Variants in LSAMP observed in about 807,000 individuals in gnomAD.
LSAMP encodes limbic system associated membrane protein.
In LSAMP, 7 loss-of-function variants were observed where a neutral mutation model predicts 38.6. The observed-to-expected ratio is 0.18, with a 90% CI of 0.10 to 0.34. LSAMP has a LOEUF of 0.34. Among genes scored for constraint, LSAMP ranks in the 10% least tolerant of loss-of-function variants. The probability of loss-of-function intolerance (pLI) is 1.00; values close to 1 mark genes in which losing one functional copy is unlikely to be tolerated. For missense variants in LSAMP, 313 were observed against 420.0 expected, an observed-to-expected ratio of 0.75 and a Z score of 2.23; for synonymous variants, 154 against 166.8, an observed-to-expected ratio of 0.92 and a Z score of 0.59.
chr3:115,943,734 A>G (rs11714992), intron 3 of LSAMP, among the ~76,000 whole-genome samples: 107,366 of 152,076 alleles, frequency 0.71, 39,347 homozygotes, highest in South Asian at 0.82. Context: ...GAGATTTAGA[A>G]CTTCCTGCTC....
At chr3:115,867,621 A>G (rs1935898897) in intron 3 of LSAMP, among the ~76,000 whole-genome samples, 1 of 152,094 alleles carries the variant, frequency 6.6e-6, no homozygotes, top group African/African-American at 2.4e-5. Flanking sequence ...GGAAAATCAC[A>G]GAAGAAATCA....
intron 1 of LSAMP, among the ~76,000 whole-genome samples, chr3:116,376,496 C>CT (rs2107796961): frequency 6.6e-6 from 1 of 152,130 alleles, no homozygotes; most frequent in African/African-American, 2.4e-5. Flanking sequence ...CCCACAAACA[C>CT]TTCAAGAAAG....
chr3:116,348,040 C>T (rs977137623), intron 1 of LSAMP, among the ~76,000 whole-genome samples: 4 of 151,840 alleles, frequency 2.6e-5, no homozygotes, highest in African/African-American at 7.3e-5. Flanking sequence ...GGAAAGGTCT[C>T]GGTGTATATC....
chr3:116,250,102 T>C (rs949566271), intron 1 of LSAMP, among the ~76,000 whole-genome samples: 5 of 152,206 alleles, frequency 3.3e-5, no homozygotes, highest in Non-Finnish European at 7.3e-5. Context: ...TCTTTTGTTG[T>C]CCCAGAATTT....
At chr3:115,963,940 A>G (rs1018548743) in intron 3 of LSAMP, among the ~76,000 whole-genome samples, 3 of 151,966 alleles carry the variant, frequency 2.0e-5, no homozygotes, top group Non-Finnish European at 4.4e-5. Context: ...TTTTGTAGAG[A>G]TAGAGTCTCC....
chr3:116,318,183 C>T (rs548239627), intron 1 of LSAMP, among the ~76,000 whole-genome samples: 1 of 151,022 alleles, frequency 6.6e-6, no homozygotes, highest in East Asian at 1.9e-4. Flanking sequence ...GCACTCTTAT[C>T]TCTGATCATG....
At chr3:116,401,507 C>T (rs993264932) in intron 1 of LSAMP, among the ~76,000 whole-genome samples, 1 of 152,208 alleles carries the variant, frequency 6.6e-6, no homozygotes, top group African/African-American at 2.4e-5. Context: ...GTCTCAAACT[C>T]CTGCACTTAA....
chr3:115,954,119 C>T (rs1245790242), intron 3 of LSAMP, among the ~76,000 whole-genome samples: 5 of 152,124 alleles, frequency 3.3e-5, no homozygotes, highest in Admixed American at 2.0e-4. Context: ...TCCCTCATCC[C>T]GATTCCCAGT....
intron 3 of LSAMP, among the ~76,000 whole-genome samples, chr3:115,853,785 C>A (rs575822350): frequency 6.6e-6 from 1 of 152,154 alleles, no homozygotes; most frequent in Non-Finnish European, 1.5e-5. Flanking sequence ...CACTGTTACA[C>A]GAGTTAGGAT....
intron 4 of LSAMP, among the ~76,000 whole-genome samples, chr3:115,844,282 C>T (rs1935088291): frequency 6.6e-6 from 1 of 152,164 alleles, no homozygotes; most frequent in African/African-American, 2.4e-5. Context: ...AATTATAACT[C>T]ATTTATCTAT....
At chr3:116,175,024 C>A (rs1384791543) in intron 1 of LSAMP, among the ~76,000 whole-genome samples, 1 of 152,130 alleles carries the variant, frequency 6.6e-6, no homozygotes, top group Non-Finnish European at 1.5e-5. Flanking sequence ...GAGGACAAGT[C>A]TAAACTGTAA....
rs2289271 is a variant in LSAMP at position 115,809,913 on chromosome 3, C to T, written c.*404G>A. 0.53 allele frequency: 83,504 copies of T among 157,816 alleles called. 24,127 individuals carry two copies. Among genetic ancestry groups the T allele is most frequent in the African/African-American group, 0.79 (32,797 of 41,498 alleles). The allele number at this position is 157,816 out of a possible 1,614,324, so 9.8% of individuals were successfully genotyped here. On this transcript the variant is annotated 3_prime_UTR_variant, in exon 7 of 7. Transcript: ENST00000490035. ...AACACCAAAGGCAAGACCTTATTTT[C>T]TTCCCCACAGATGAAAAAAGATGAA... is the stretch of plus-strand genomic sequence containing the variant.
rs189144484 is a variant in LSAMP at position 116,274,664 on chromosome 3, T to C, written c.155+170213A>G. Among the ~76,000 whole-genome samples, 482 of 152,240 alleles carry C rather than the reference T, an allele frequency of 3.2e-3. 5 individuals are homozygous for C. The highest frequency in any genetic ancestry group is 0.011 in the African/African-American group (459 of 41,562). On this transcript the variant is annotated intron_variant, in intron 1 of 6. Transcript: ENST00000490035. ...ATAATGAAACAGTGAGACAGAAATT[T>C]GTCACTGGATTTGGTAAATAAGGTG...
chr3:116,059,477 A>T (rs969275947), intron 2 of LSAMP, among the ~76,000 whole-genome samples: 24 of 152,330 alleles, frequency 1.6e-4, no homozygotes, highest in South Asian at 2.1e-4. Context: ...TGAAATAATT[A>T]TCACCTTCGT....
chr3:116,028,060 G>GT (rs1195457077), intron 2 of LSAMP, among the ~76,000 whole-genome samples: 1 of 152,108 alleles, frequency 6.6e-6, no homozygotes, highest in Non-Finnish European at 1.5e-5. Context: ...CTTAAGCCCT[G>GT]TTTATTTGCA....
intron 3 of LSAMP, among the ~76,000 whole-genome samples, chr3:116,014,979 A>G (rs1940435851): frequency 6.6e-6 from 1 of 152,174 alleles, no homozygotes; most frequent in Admixed American, 6.6e-5. Context: ...TTGGAAATGA[A>G]TTGAAAGTGG....
intron 6 of LSAMP, among the ~76,000 whole-genome samples, chr3:115,837,335 C>T (rs1559843522): frequency 6.6e-6 from 1 of 151,268 alleles, no homozygotes; most frequent in African/African-American, 2.4e-5. Flanking sequence ...TCAAAAGCCT[C>T]AAAAGACCTT....
intron 1 of LSAMP, among the ~76,000 whole-genome samples, chr3:116,438,381 G>A (rs983742857): frequency 1.3e-5 from 2 of 152,136 alleles, no homozygotes; most frequent in Non-Finnish European, 2.9e-5. Flanking sequence ...GGCAAAAATA[G>A]TTGTCAGTTA....
intron 2 of LSAMP, among the ~76,000 whole-genome samples, chr3:116,071,845 C>A (rs1333818962): frequency 6.6e-6 from 1 of 152,136 alleles, no homozygotes; most frequent in Non-Finnish European, 1.5e-5. Flanking sequence ...TGAGAACATG[C>A]AGTGTATGGT....
Sources: allele counts gnomAD v4.1 joint callset (sites outside exome capture counted in the v4.1 genomes callset), GRCh38; gene constraint gnomAD v4.1.1; transcripts MANE v1.5; gene names NCBI Gene and HGNC (gene_info 2026-07-23, HGNC 2026-07-21).